The following PCDHGA2 variants were observed in gnomAD, a reference collection of about 807,000 sequenced individuals.
PCDHGA2 encodes protocadherin gamma-A2.
A neutral mutation model predicts 59.2 loss-of-function variants in PCDHGA2; 40 were observed. That is an observed-to-expected ratio of 0.68 (90% CI 0.52 to 0.88). The LOEUF (loss-of-function observed/expected upper bound fraction) is 0.88. PCDHGA2 is among the 40% of genes least tolerant of loss of function. The pLI, the probability that PCDHGA2 is intolerant of heterozygous loss-of-function variation, is 0.00. For synonymous variants in PCDHGA2, 560 were observed against 526.0 expected, an observed-to-expected ratio of 1.06 and a Z score of -0.89; for missense variants, 1,226 against 1,204.0, an observed-to-expected ratio of 1.02 and a Z score of -0.27.
chr5:141,342,043 TGAA>T (rs1454788209), intron 1 of PCDHGA2: 1 of 152,734 alleles, frequency 6.5e-6, no homozygotes, highest in Non-Finnish European at 1.5e-5. Flanking sequence ...ATATGCTTCT[TGAA>T]GAAGTGACTG....
chr5:141,401,672 T>A (rs1468956975), intron 1 of PCDHGA2, among the ~76,000 whole-genome samples: 1 of 152,222 alleles, frequency 6.6e-6, no homozygotes, highest in African/African-American at 2.4e-5. Context: ...CTCAACATCC[T>A]TGTAGGATGG....
intron 1 of PCDHGA2, chr5:141,370,419 G>C (rs1219315187): frequency 3.8e-6 from 6 of 1,572,938 alleles, no homozygotes; most frequent in African/African-American, 1.4e-5. Context: ...CGGATGGAGG[G>C]GCCCAGCAGG....
chr5:141,385,545 A>G, intron 1 of PCDHGA2: 1 of 1,319,590 alleles, frequency 7.6e-7, no homozygotes, highest in Non-Finnish European at 9.7e-7. Flanking sequence ...TATGTGGACT[A>G]TCACATTTTA....
rs568123995 is a variant in PCDHGA2 at position 141,511,539 on chromosome 5, C to G, written c.*366C>G. The G allele has an allele frequency of 3.0e-5, 10 of 328,342 alleles. No individual in the cohort carries two copies. The highest frequency in any genetic ancestry group is 2.1e-4 in the African/African-American group (10 of 47,452). The allele number at this position is 328,342 out of a possible 1,614,324, so 20.3% of individuals were successfully genotyped here. ...CATCCCATGCCTCCCTCCTCCCCAC[C>G]CCACTCCAACAGTTCCTCTTTCCCG... On this transcript the variant is annotated 3_prime_UTR_variant, in exon 4 of 4. Transcript: ENST00000394576.
intron 1 of PCDHGA2, chr5:141,370,801 A>G: frequency 6.2e-7 from 1 of 1,614,036 alleles, no homozygotes; most frequent in Non-Finnish European, 8.5e-7. Flanking sequence ...TTTAGCCAAA[A>G]TATCACTGAG....
In PCDHGA2 at chr5:141,413,958, G is replaced by A. The variant is rs774080265; in HGVS notation, c.2424+72563G>A. On this transcript the variant is annotated intron_variant, in intron 1 of 3. Coordinates refer to ENST00000394576, the MANE Select transcript of PCDHGA2 (RefSeq NM_018915.4). ...TGAGTGTTCCTGAGAATTTGCCTGT[G>A]GGCACTCAGCTGCTGACAGTCACAG... The A allele has an allele frequency of 5.0e-6, 8 of 1,613,276 alleles. No individual in the cohort carries two copies. In the South Asian group the frequency reaches 6.6e-5, roughly 13 times the overall value.
chr5:141,418,477 C>G (rs2154547707), intron 1 of PCDHGA2: 1 of 1,614,016 alleles, frequency 6.2e-7, no homozygotes, highest in Non-Finnish European at 8.5e-7. Context: ...AAACGCAGAG[C>G]GCTCACCACT....
intron 1 of PCDHGA2, chr5:141,424,529 A>G (rs1308118953): frequency 6.6e-6 from 1 of 152,218 alleles, no homozygotes; most frequent in Non-Finnish European, 1.5e-5. Context: ...AAATCCATAT[A>G]TAGAAATAAC....
rs2154555227 is a variant in PCDHGA2, at chr5:141,432,737, C to G, written c.2425-62070C>G. ...GCCCCCTCTCTCCGCCACTGTCACG[C>G]TCACCGTGGCCGTGGCCGACAGCAT... On this transcript the variant is annotated intron_variant, in intron 1 of 3. Coordinates refer to ENST00000394576, the MANE Select transcript of PCDHGA2 (RefSeq NM_018915.4). This position sits in a 1 kb window ranked among gnomAD's most constrained non-coding sequence, Gnocchi z 6.0. 6.2e-7 allele frequency: 1 copy of G among 1,614,110 alleles called. No homozygotes were observed. The highest frequency in any genetic ancestry group is 8.5e-7 in the Non-Finnish European group (1 of 1,180,002).
At position 141,408,734 on chromosome 5, in the gene PCDHGA2, T is replaced by C. The variant is rs376769558; in HGVS notation, c.2424+67339T>C. 1.5e-4 allele frequency: 244 copies of C among 1,610,058 alleles called. No homozygotes were observed. The highest frequency in any genetic ancestry group is 1.9e-4 in the Non-Finnish European group (226 of 1,177,812). On this transcript the variant is annotated intron_variant, in intron 1 of 3. Transcript: ENST00000394576. ...TTATAAGATAAACTCTAATCCTTAT[T>C]TTTCATTAATGGTTAGAGTTAATTC...
intron 1 of PCDHGA2, chr5:141,371,355 G>A (rs369960328): frequency 1.2e-6 from 2 of 1,613,974 alleles, no homozygotes; most frequent in Non-Finnish European, 8.5e-7. Context: ...TGGGGTGGAA[G>A]CAAAGGATGG....
chr5:141,464,980 GATCCT>G (rs2154568684), intron 1 of PCDHGA2, among the ~76,000 whole-genome samples: 1 of 151,990 alleles, frequency 6.6e-6, no homozygotes, highest in East Asian at 1.9e-4. Flanking sequence ...GGCTTCAAGT[GATCCT>G]CCCACCTCAG....
In PCDHGA2 at chr5:141,385,016, C is replaced by G. The variant is rs536780147; in HGVS notation, c.2424+43621C>G. 1.9e-6 allele frequency: 3 copies of G among 1,614,186 alleles called. No individual in the cohort carries two copies. In the South Asian group the frequency reaches 3.3e-5, roughly 18 times the overall value. On this transcript the variant is annotated intron_variant, in intron 1 of 3. Transcript: ENST00000394576. ...GCCACAGTCTCCTGCGTCTTCCTAG[C>G]CTTCGTCCTCGTACTGCTGGCGCTC...
chr5:141,366,545 C>T, intron 1 of PCDHGA2: 1 of 1,614,268 alleles, frequency 6.2e-7, no homozygotes, highest in East Asian at 2.2e-5. Context: ...GCCCGCCTCG[C>T]ACTTTGTGGG....
rs1387919696 is a variant in PCDHGA2 at position 141,384,415 on chromosome 5, TCC to T, written c.2424+43021_2424+43022del. On this transcript the variant is annotated intron_variant, in intron 1 of 3. Coordinates refer to ENST00000394576, the MANE Select transcript of PCDHGA2 (RefSeq NM_018915.4). ...GGGGGCTCCAGTGTCCTCCTATGTC[TCC>T]ATAAACTCTGACACTGGAGTCCTGT... is the stretch of plus-strand genomic sequence containing the variant. The T allele has an allele frequency of 2.5e-6, 4 of 1,613,776 alleles. No homozygotes were observed. In the East Asian group the frequency reaches 8.9e-5, roughly 36 times the overall value.
At position 141,487,855 on chromosome 5, in the gene PCDHGA2, A is replaced by T; in HGVS notation, c.2425-6952A>T. 1 of 974,210 alleles carries T rather than the reference A, an allele frequency of 1.0e-6. No homozygotes were observed. 60.3% of individuals were successfully genotyped at this position (974,210 alleles called of 1,614,324 possible). A position where few individuals can be genotyped will look rare whatever the true frequency, so the allele number is the denominator to read the frequency against. On this transcript the variant is annotated intron_variant, in intron 1 of 3. Coordinates refer to ENST00000394576, the MANE Select transcript of PCDHGA2 (RefSeq NM_018915.4). This position sits in a 1 kb window ranked among gnomAD's most constrained non-coding sequence, Gnocchi z 5.0. Reference sequence around the variant, plus strand: ...TATATCTGAGTAAGAAATGAAAGTAATTGGTGATCAAGAGCCAGGCTGTTG... The same window carrying T: ...TATATCTGAGTAAGAAATGAAAGTATTTGGTGATCAAGAGCCAGGCTGTTG...
chr5:141,392,735 C>T, intron 1 of PCDHGA2: 1 of 1,428,540 alleles, frequency 7.0e-7, no homozygotes, highest in East Asian at 2.5e-5. Context: ...ATTGTCATCT[C>T]CATAGCTGCG....
At chr5:141,427,984 C>G (rs754620535) in intron 1 of PCDHGA2, 2 of 1,597,494 alleles carry the variant, frequency 1.3e-6, no homozygotes, top group South Asian at 2.2e-5. Flanking sequence ...GCGCTGGGGC[C>G]CGATGGCTCC....
At chr5:141,404,516 T>G (rs968433488) in intron 1 of PCDHGA2, 1 of 1,613,754 alleles carries the variant, frequency 6.2e-7, no homozygotes, top group African/African-American at 1.3e-5. Flanking sequence ...CTCCTTTGAC[T>G]ATGAGCAGTT....
Sources: allele counts gnomAD v4.1 joint callset (sites outside exome capture counted in the v4.1 genomes callset), GRCh38; gene constraint gnomAD v4.1.1; non-coding constraint Gnocchi (gnomAD v3.1); transcripts MANE v1.5; gene names NCBI Gene and HGNC (gene_info 2026-07-23, HGNC 2026-07-21).